Variants in SPRED2 observed in about 807,000 individuals in gnomAD.
SPRED2 encodes sprouty related EVH1 domain containing 2, also known as sprouty-related, EVH1 domain-containing protein 2.
A neutral mutation model predicts 43.0 loss-of-function variants in SPRED2; 47 were observed. That is an observed-to-expected ratio of 1.09 (90% CI 0.87 to 1.40). The LOEUF (loss-of-function observed/expected upper bound fraction) is 1.40. Ranked by LOEUF, SPRED2 falls within the 40% of genes most tolerant of loss-of-function variation. The probability of loss-of-function intolerance (pLI) is 0.00; values close to 1 mark genes in which losing one functional copy is unlikely to be tolerated. For synonymous variants in SPRED2, 225 were observed against 225.7 expected (o/e 1.00, Z 0.03); for missense variants, 561 against 586.4 (o/e 0.96, Z 0.45).
intron 2 of SPRED2, among the ~76,000 whole-genome samples, chr2:65,335,802 A>G (rs1157166674): frequency 2.0e-5 from 3 of 152,244 alleles, no homozygotes; most frequent in Non-Finnish European, 4.4e-5. Flanking sequence ...CAATAATTTG[A>G]ACGTAAACTT....
chr2:65,377,554 C>T (rs1454641440), intron 1 of SPRED2: 1 of 471,156 alleles, frequency 2.1e-6, no homozygotes, highest in Non-Finnish European at 4.4e-6. Flanking sequence ...AGGGGGAACA[C>T]TGTGGCAAAG....
At chr2:65,335,323 C>A (rs1244259239) in intron 2 of SPRED2, among the ~76,000 whole-genome samples, 2 of 152,146 alleles carry the variant, frequency 1.3e-5, no homozygotes, top group Non-Finnish European at 1.5e-5. Context: ...TTTCCTTCAA[C>A]AGCTTTTATA....
At chr2:65,349,096 C>A (rs538242836) in intron 1 of SPRED2, among the ~76,000 whole-genome samples, 4 of 152,092 alleles carry the variant, frequency 2.6e-5, no homozygotes, top group Admixed American at 2.6e-4. Context: ...ATCATGAGGT[C>A]AAGAAATTAA....
chr2:65,366,565 G>T, intron 1 of SPRED2: 2 of 1,548,416 alleles, frequency 1.3e-6, no homozygotes, highest in Non-Finnish European at 1.7e-6. Flanking sequence ...AAAAAATAAA[G>T]TTCATGTAAA....
chr2:65,405,966 C>T (rs1676014356), intron 1 of SPRED2, among the ~76,000 whole-genome samples: 1 of 152,158 alleles, frequency 6.6e-6, no homozygotes, highest in Admixed American at 6.5e-5. Context: ...AGAACACCCC[C>T]GCACTTTCTT....
chr2:65,311,637 G>A lies in SPRED2; in HGVS notation c.*1864C>T. ...GTTTTCTAGATGTTCTCCAGGCATG[G>A]ATGAGGTTCTCTTTTCTTCCATCAA... On this transcript the variant is annotated 3_prime_UTR_variant, in exon 6 of 6. Transcript: ENST00000356388. 1.0e-6 allele frequency: 1 copy of A among 985,794 alleles called. No individual in the cohort carries two copies. The highest frequency in any genetic ancestry group is 1.2e-6 in the Non-Finnish European group (1 of 829,944). The allele number at this position is 985,794 out of a possible 1,614,324, so 61.1% of individuals were successfully genotyped here.
intron 1 of SPRED2, among the ~76,000 whole-genome samples, chr2:65,426,560 A>G (rs1221869290): frequency 6.6e-6 from 1 of 152,184 alleles, no homozygotes; most frequent in Non-Finnish European, 1.5e-5. Context: ...CATGTAATGT[A>G]GGGAAAAAAA....
intron 1 of SPRED2, among the ~76,000 whole-genome samples, chr2:65,410,534 C>A (rs1290433120): frequency 3.9e-5 from 6 of 152,066 alleles, no homozygotes; most frequent in South Asian, 2.1e-4. Context: ...CCGAGGCGGG[C>A]GGATCACAAG....
intron 1 of SPRED2, among the ~76,000 whole-genome samples, chr2:65,428,056 T>C (rs570206903): frequency 4.6e-5 from 7 of 152,376 alleles, no homozygotes; most frequent in African/African-American, 1.7e-4. Flanking sequence ...GGCAACTAAC[T>C]TGACCTTGGC....
intron 1 of SPRED2, among the ~76,000 whole-genome samples, chr2:65,403,469 G>C (rs78089639): frequency 6.6e-6 from 1 of 152,130 alleles, no homozygotes; most frequent in East Asian, 1.9e-4. Flanking sequence ...TATAAGTGGA[G>C]TTTCCCAGGC....
Position 65,404,869 on chromosome 2 carries a change from C to T in SPRED2, c.26+27093G>A, listed in dbSNP as rs550364772. On this transcript the variant is annotated intron_variant, in intron 1 of 5. Coordinates refer to ENST00000356388, the MANE Select transcript of SPRED2 (RefSeq NM_181784.3). Reference sequence around the variant, plus strand: ...TCCCTTCTGCCAAACAAACACCTCCCCCAACAACAGCACACCCCTGGGCCC... The same window carrying T: ...TCCCTTCTGCCAAACAAACACCTCCTCCAACAACAGCACACCCCTGGGCCC... 8.9e-4 allele frequency among the ~76,000 whole-genome samples: 135 copies of T among 152,342 alleles called. 1 individual carries two copies. Among genetic ancestry groups the T allele is most frequent in the Middle Eastern group, 3.4e-3 (1 of 294 alleles).
intron 4 of SPRED2, among the ~76,000 whole-genome samples, chr2:65,329,809 G>A (rs1353992643): frequency 6.6e-6 from 1 of 152,208 alleles, no homozygotes; most frequent in Non-Finnish European, 1.5e-5. Context: ...CATGCCAACT[G>A]TTGAGAGGAT....
intron 4 of SPRED2, among the ~76,000 whole-genome samples, chr2:65,327,316 A>G (rs1673652234): frequency 6.6e-6 from 1 of 152,196 alleles, no homozygotes; most frequent in African/African-American, 2.4e-5. Flanking sequence ...AATGGAAATA[A>G]AAGTTTCTCA....
chr2:65,368,788 T>C (rs898755627), intron 1 of SPRED2, among the ~76,000 whole-genome samples: 2 of 152,104 alleles, frequency 1.3e-5, no homozygotes, highest in African/African-American at 4.8e-5. Context: ...CTAAAAAAAT[T>C]AAAAAAGAGA....
chr2:65,385,031 G>A (rs1443083505), intron 1 of SPRED2, among the ~76,000 whole-genome samples: 1 of 144,682 alleles, frequency 6.9e-6, no homozygotes, highest in African/African-American at 2.5e-5. Context: ...GGAGTGCAGT[G>A]GCGCCATCTC....
At chr2:65,430,545 C>G (rs1020252268) in intron 1 of SPRED2, among the ~76,000 whole-genome samples, 2 of 152,216 alleles carry the variant, frequency 1.3e-5, no homozygotes, top group African/African-American at 4.8e-5. Flanking sequence ...CTGCAAGAGA[C>G]AAGCCTCCCA....
rs1461359796 is a variant in SPRED2, at chr2:65,403,112, G to A, written c.26+28850C>T. Among the ~76,000 whole-genome samples the A allele has an allele frequency of 2.0e-5, 3 of 152,232 alleles. No homozygotes were observed. In the South Asian group the frequency reaches 6.2e-4, roughly 31 times the overall value. On this transcript the variant is annotated intron_variant, in intron 1 of 5. Transcript: ENST00000356388. ...CTTCAGACTTCACTAAAGGTCCACAGTGAATGCTGAAACGTCCAAGCTCAG... is the reference window on the plus strand; with the variant it reads ...CTTCAGACTTCACTAAAGGTCCACAATGAATGCTGAAACGTCCAAGCTCAG...
intron 1 of SPRED2, among the ~76,000 whole-genome samples, chr2:65,360,960 T>C (rs189923116): frequency 1.3e-3 from 192 of 152,334 alleles, no homozygotes; most frequent in Middle Eastern, 0.01. Flanking sequence ...AAACATTCAC[T>C]TTGGGAGGCC....
intron 1 of SPRED2, among the ~76,000 whole-genome samples, chr2:65,360,258 T>TG (rs1222240455): frequency 6.6e-6 from 1 of 152,190 alleles, no homozygotes; most frequent in Non-Finnish European, 1.5e-5. Context: ...TTTCACTCAC[T>TG]GGTGTGCTTC....
Sources: gnomAD v4.1 joint callset for allele counts (sites outside exome capture counted in the v4.1 genomes callset) on GRCh38, gnomAD v4.1.1 for gene constraint, MANE v1.5 for transcripts, NCBI Gene and HGNC (gene_info 2026-07-23, HGNC 2026-07-21) for gene names.